Variants in PPP1R13L observed in about 807,000 individuals in gnomAD.
The protein encoded by PPP1R13L is relA-associated inhibitor.
In PPP1R13L, 50 loss-of-function variants were observed where a neutral mutation model predicts 80.9. That is an observed-to-expected ratio of 0.62 (90% CI 0.49 to 0.78). The LOEUF is 0.78. Ranked by LOEUF, PPP1R13L falls within the 30% of genes least tolerant of loss-of-function variation. The probability of loss-of-function intolerance (pLI) is 0.00; values close to 1 mark genes in which losing one functional copy is unlikely to be tolerated. For synonymous variants in PPP1R13L, 602 were observed against 534.3 expected (o/e 1.13, Z -1.75); for missense variants, 1,200 against 1,205.9 (o/e 1.00, Z 0.07).
chr19:45,392,018 G>T lies in PPP1R13L; in HGVS notation c.1677C>A (p.Pro559=). 6.5e-7 allele frequency: 1 copy of T among 1,540,420 alleles called. No individual in the cohort carries two copies. Among genetic ancestry groups the T allele is most frequent in the Non-Finnish European group, 8.7e-7 (1 of 1,146,898 alleles). Residue 559 remains proline (P), a synonymous_variant, in exon 8 of 13, where the codon CCC becomes CCA. Transcript: ENST00000360957. Reference sequence around the variant, plus strand: ...GGGACAGCTCTGGCTCCGGCCCCCCGGGCCCTGGCCCCCCATGACGATGGA... The same window carrying T: ...GGGACAGCTCTGGCTCCGGCCCCCCTGGCCCTGGCCCCCCATGACGATGGA... ...RLFHRHGGPG[P]GGPEPELSPI...
chr19:45,397,412 CCTTT>C (rs1973127325), intron 3 of PPP1R13L, among the ~76,000 whole-genome samples: 1 of 150,596 alleles, frequency 6.6e-6, no homozygotes, highest in Admixed American at 6.7e-5. Flanking sequence ...CTCCTTCCTT[CCTTT>C]CTCTCTCTCT....
At chr19:45,390,030 A>C (rs1179856093) in intron 8 of PPP1R13L, among the ~76,000 whole-genome samples, 2 of 151,800 alleles carry the variant, frequency 1.3e-5, no homozygotes, top group Admixed American at 1.3e-4. Context: ...TGACTTCGTG[A>C]TCCGCCCGCC....
intron 7 of PPP1R13L, chr19:45,395,216 C>T (rs1004506422): frequency 4.9e-6 from 3 of 610,476 alleles, no homozygotes; most frequent in South Asian, 4.0e-5. Flanking sequence ...GGTCACACAG[C>T]GTGGAACCAG....
chr19:45,405,657 G>T (rs532927764), upstream of PPP1R13L, among the ~76,000 whole-genome samples: 434 of 152,326 alleles, frequency 2.8e-3, 1 homozygote, highest in African/African-American at 9.6e-3. Flanking sequence ...CCTTCCCCTT[G>T]ACCCTCCCTC....
chr19:45,379,954 T>C lies in PPP1R13L; in HGVS notation c.*236A>G. ...GATTTGGCAAAAGGAAGTGGTTTCC[T>C]GTCCCCAGTGATTTCCAGCCCTTCC... On this transcript the variant is annotated 3_prime_UTR_variant, in exon 13 of 13. Coordinates refer to ENST00000360957, the MANE Select transcript of PPP1R13L (RefSeq NM_006663.4). 2.2e-6 allele frequency: 1 copy of C among 444,478 alleles called. No individual in the cohort carries two copies. Among genetic ancestry groups the C allele is most frequent in the East Asian group, 3.8e-5 (1 of 26,206 alleles). 27.5% of individuals were successfully genotyped at this position (444,478 alleles called of 1,614,324 possible). A position where few individuals can be genotyped will look rare whatever the true frequency, so the allele number is the denominator to read the frequency against.
chr19:45,397,466 C>CTT (rs751809682), intron 3 of PPP1R13L, among the ~76,000 whole-genome samples: 40,612 of 97,548 alleles, frequency 0.42, 9,759 homozygotes, highest in Non-Finnish European at 0.52. Context: ...CTTGCTTTCT[C>CTT]TCTCTCTCTT....
chr19:45,398,262 A>C lies in PPP1R13L; in HGVS notation c.55+2T>G, dbSNP rs1278835812. The C allele has an allele frequency of 4.3e-6, 7 of 1,613,688 alleles. No individual in the cohort carries two copies. Among genetic ancestry groups the C allele is most frequent in the Non-Finnish European group, 5.9e-6 (7 of 1,179,874 alleles). ...CCAGCCCCGCCCCCTACTCCAGCTT[A>C]CACTGGAAGTTCATGTCCAGAAAGT... is the stretch of plus-strand genomic sequence containing the variant. On this transcript the variant is annotated splice_donor_variant, in intron 2 of 12. Transcript: ENST00000360957. LOFTEE classifies it high-confidence loss of function.
At chr19:45,404,349 C>T (rs748277492) in intron 1 of PPP1R13L, among the ~76,000 whole-genome samples, 64 of 152,196 alleles carry the variant, frequency 4.2e-4, no homozygotes, top group Non-Finnish European at 7.5e-4. Context: ...TGTCCCTTCT[C>T]TGGTTAGGCA....
intron 11 of PPP1R13L, among the ~76,000 whole-genome samples, chr19:45,384,459 G>A (rs906560933): frequency 7.3e-5 from 11 of 151,716 alleles, no homozygotes; most frequent in East Asian, 3.9e-4. Context: ...CGCTTTCACC[G>A]AGGAGGCAGA....
chr19:45,401,269 G>A (rs866109883), intron 1 of PPP1R13L, among the ~76,000 whole-genome samples: 41 of 151,070 alleles, frequency 2.7e-4, no homozygotes, highest in Middle Eastern at 3.4e-3. Flanking sequence ...GCAGGAGAAT[G>A]GTGTGAACCA....
Position 45,386,092 on chromosome 19 carries a change from G to A in PPP1R13L, c.1904C>T (p.Ala635Val). ...LNPLVLLLDA[A>V]LTGELEVVQQ... is the part of the protein sequence containing the mutation. ...CACCACCTCCAGCTCCCCGGTCAGC[G>A]CCGCGTCCAGGAGGAGCACCAGAGG... Residue 635 changes from alanine to valine, a missense_variant, in exon 9 of 13, where the codon GCG (alanine) becomes GTG (valine). Around this residue, in one of 5 missense-constraint regions of PPP1R13L, gnomAD observed 214 missense variants for 199.6 expected, o/e 1.07. Coordinates refer to ENST00000360957, the MANE Select transcript of PPP1R13L (RefSeq NM_006663.4). 6.3e-7 allele frequency: 1 copy of A among 1,578,088 alleles called. No homozygotes were observed.
At position 45,385,686 on chromosome 19, in the gene PPP1R13L, G is replaced by A. The variant is rs750504912; in HGVS notation, c.2124C>T (p.Ile708=). 9.9e-6 allele frequency: 16 copies of A among 1,612,922 alleles called. No homozygotes were observed. The highest frequency in any genetic ancestry group is 1.3e-5 in the Non-Finnish European group (15 of 1,179,796). ...CGCCGTGCTGCACCAGCGCCATGCA[G>A]ATGACTGTGTCGTTGCACGACGCCG... ...HCAASCNDTV[I]CMALVQHGAA... Residue 708 remains isoleucine, a synonymous_variant, in exon 11 of 13, where the codon ATC becomes ATT. Coordinates refer to ENST00000360957, the MANE Select transcript of PPP1R13L (RefSeq NM_006663.4).
At chr19:45,382,483 C>T in intron 12 of PPP1R13L, 44 bp downstream of exon 12, 1 of 1,588,962 alleles carries the variant, frequency 6.3e-7, no homozygotes, top group Non-Finnish European at 8.6e-7. Flanking sequence ...TTTCCCCAAC[C>T]CCCAACTGTC....
At chr19:45,382,757 GC>G in intron 11 of PPP1R13L, 31 bp from the exon 12 acceptor site, 1 of 1,611,260 alleles carries the variant, frequency 6.2e-7, no homozygotes, top group Non-Finnish European at 8.5e-7. Flanking sequence ...GAAGGTGAGA[GC>G]CTGGCCCAGG....
intron 1 of PPP1R13L, among the ~76,000 whole-genome samples, chr19:45,399,350 C>T (rs1373357322): frequency 3.3e-5 from 5 of 149,728 alleles, no homozygotes; most frequent in East Asian, 2.0e-4. Context: ...ATCCGCCGGG[C>T]GCGGTGGCTC....
chr19:45,389,461 C>G (rs35209357), intron 8 of PPP1R13L, among the ~76,000 whole-genome samples: 12,164 of 152,194 alleles, frequency 0.08, 690 homozygotes, highest in East Asian at 0.27. Flanking sequence ...ATGGTGACAA[C>G]AGTAAGAGCA....
rs528366286 is a variant in PPP1R13L, at chr19:45,404,983, G to A, written c.-22+16C>T. Reference sequence around the variant, plus strand: ...GCTTTTTCAGGGCCTCTGGTCCCCAGGAGGGTGAAACTCACGGATCCGGGC... The same window carrying A: ...GCTTTTTCAGGGCCTCTGGTCCCCAAGAGGGTGAAACTCACGGATCCGGGC... On this transcript the variant is annotated intron_variant, in intron 1 of 12. Coordinates refer to ENST00000360957, the MANE Select transcript of PPP1R13L (RefSeq NM_006663.4). 38 of 985,746 alleles carry A rather than the reference G, an allele frequency of 3.9e-5. No homozygotes were observed. The African/African-American group carries it at 5.6e-4, about 14-fold the overall frequency. 61.1% of individuals were successfully genotyped at this position (985,746 alleles called of 1,614,324 possible).
In PPP1R13L at chr19:45,395,876, G is replaced by T; in HGVS notation, c.914C>A (p.Thr305Asn). Residue 305 changes from threonine to asparagine, a missense_variant, in exon 7 of 13, where the codon ACT becomes AAT. Around this residue, in one of 5 missense-constraint regions of PPP1R13L, gnomAD observed 764 missense variants for 714.5 expected, o/e 1.07. Transcript: ENST00000360957. ...GLGGTGKDNLTSATLPRNYKV... is the reference protein window; with the variant it reads ...GLGGTGKDNLNSATLPRNYKV... Reference sequence around the variant, plus strand: ...GTAATTGCGCGGCAGGGTGGCGCTAGTGAGGTTGTCCTGGGGAAGAGGGAA... The same window carrying T: ...GTAATTGCGCGGCAGGGTGGCGCTATTGAGGTTGTCCTGGGGAAGAGGGAA... 1 of 1,590,858 alleles carries T rather than the reference G, an allele frequency of 6.3e-7. No homozygotes were observed. The highest frequency in any genetic ancestry group is 8.5e-7 in the Non-Finnish European group (1 of 1,169,636).
rs779760960 is a variant in PPP1R13L, at chr19:45,392,010, G to A, written c.1685C>T (p.Pro562Leu). The A allele has an allele frequency of 9.8e-6, 15 of 1,537,238 alleles. No homozygotes were observed. In the East Asian group the frequency reaches 1.1e-4, roughly 12 times the overall value. Residue 562 changes from proline to leucine, a missense_variant, in exon 8 of 13, where the codon CCG becomes CTG. Around this residue, in one of 5 missense-constraint regions of PPP1R13L, gnomAD observed 214 missense variants for 199.6 expected, o/e 1.07. Transcript: ENST00000360957. ...AGTGATGGGGGACAGCTCTGGCTCC[G>A]GCCCCCCGGGCCCTGGCCCCCCATG... ...HRHGGPGPGG[P>L]EPELSPITEG...
Sources: allele counts gnomAD v4.1 joint callset (sites outside exome capture counted in the v4.1 genomes callset), GRCh38; gene constraint gnomAD v4.1.1; regional missense constraint gnomAD v4.1.1; transcripts MANE v1.5; gene names NCBI Gene and HGNC (gene_info 2026-07-23, HGNC 2026-07-21).